The following ZSWIM6 variants were observed in gnomAD, a reference collection of about 807,000 sequenced individuals.
ZSWIM6 encodes zinc finger SWIM domain-containing protein 6.
A neutral mutation model predicts 113.2 loss-of-function variants in ZSWIM6; 9 were observed. The ratio of observed to expected loss-of-function variants is 0.08; its 90% CI spans 0.05 to 0.14. ZSWIM6 has a LOEUF of 0.14. Among genes scored for constraint, ZSWIM6 ranks in the 10% least tolerant of loss-of-function variants. The probability of loss-of-function intolerance (pLI) is 1.00; values close to 1 mark genes in which losing one functional copy is unlikely to be tolerated. For missense variants in ZSWIM6, 1,162 were observed against 1,552.2 expected, an observed-to-expected ratio of 0.75 and a Z score of 4.22; for synonymous variants, 611 against 606.5, an observed-to-expected ratio of 1.01 and a Z score of -0.11.
At chr5:61,396,236 G>C (rs1745834624) in intron 1 of ZSWIM6, among the ~76,000 whole-genome samples, 1 of 152,056 alleles carries the variant, frequency 6.6e-6, no homozygotes, top group African/African-American at 2.4e-5. Context: ...TTTATTTTGA[G>C]AATTGAATGT....
At position 61,531,485 on chromosome 5, in the gene ZSWIM6, T is replaced by G. The variant is rs1404576753; in HGVS notation, c.2005T>G (p.Ser669Ala). ...DFTENMGQCKSLEYQHLPAHK... is the reference protein window; with the variant it reads ...DFTENMGQCKALEYQHLPAHK... ...TGCAGAGAATATGGGACAGTGCAAGTCTCTGGAATACCAGCATCTACCTGC... is the reference window on the plus strand; with the variant it reads ...TGCAGAGAATATGGGACAGTGCAAGGCTCTGGAATACCAGCATCTACCTGC... The change falls in exon 9 of 14, where the codon TCT (serine) becomes GCT (alanine). Residue 669 changes from serine to alanine, a missense_variant. Coordinates refer to ENST00000252744, the MANE Select transcript of ZSWIM6 (RefSeq NM_020928.2). The G allele has an allele frequency of 1.3e-6, 2 of 1,551,536 alleles. No homozygotes were observed. The highest frequency in any genetic ancestry group is 1.7e-6 in the Non-Finnish European group (2 of 1,146,850).
At chr5:61,375,956 T>C (rs1258873417) in intron 1 of ZSWIM6, 1 of 626,202 alleles carries the variant, frequency 1.6e-6, no homozygotes, top group Non-Finnish European at 2.7e-6. Flanking sequence ...ATGAATTTTC[T>C]TGTTTTTAGA....
chr5:61,396,315 C>G lies in ZSWIM6; in HGVS notation c.676+63367C>G, dbSNP rs184640836. Among the ~76,000 whole-genome samples the G allele has an allele frequency of 3.5e-3, 538 of 152,162 alleles. 3 individuals carry two copies. Among genetic ancestry groups the G allele is most frequent in the Non-Finnish European group, 5.7e-3 (386 of 68,008 alleles). ...TTGGGAGGCTGAGGCAGGCGGATCA[C>G]AAGGTCAAGAGATCGAGACTATCCT... is the stretch of plus-strand genomic sequence containing the variant. On this transcript the variant is annotated intron_variant, in intron 1 of 13. Transcript: ENST00000252744.
In ZSWIM6 at chr5:61,543,900, G is replaced by A. The variant is rs1013500797; in HGVS notation, c.3231G>A (p.Ala1077=). The A allele has an allele frequency of 1.6e-5, 25 of 1,551,752 alleles. No homozygotes were observed. The highest frequency in any genetic ancestry group is 1.7e-4 in the Middle Eastern group (1 of 6,014). Residue 1077 remains alanine, a synonymous_variant, in exon 14 of 14, where the codon GCG becomes GCA. Transcript: ENST00000252744. The surrounding 1 kb of genome is among the most constrained non-coding windows in gnomAD (Gnocchi z 4.3). ...TTAATGATGTTTTGTGGGCCTGTGC[G>A]CTTAGCCACTCCCTTGGTAAAAATG... ...PAINDVLWAC[A]LSHSLGKNEL...
chr5:61,453,281 G>A (rs1747122763), intron 1 of ZSWIM6, among the ~76,000 whole-genome samples: 1 of 151,762 alleles, frequency 6.6e-6, no homozygotes, highest in Admixed American at 6.6e-5. Context: ...TATACATTGT[G>A]GGATGACTAA....
intron 1 of ZSWIM6, among the ~76,000 whole-genome samples, chr5:61,441,045 G>A (rs768275959): frequency 2.0e-5 from 3 of 152,162 alleles, no homozygotes; most frequent in Non-Finnish European, 4.4e-5. Context: ...ACTTGAAATA[G>A]ATCATACAGG....
rs2112073499 is a variant in ZSWIM6 at position 61,375,571 on chromosome 5, A to G, written c.676+42623A>G. 3.3e-6 allele frequency: 5 copies of G among 1,531,070 alleles called. No individual in the cohort carries two copies. In the South Asian group the frequency reaches 3.6e-5, roughly 11 times the overall value. The allele number at this position is 1,531,070 out of a possible 1,614,324, so 94.8% of individuals were successfully genotyped here. The stretch of plus-strand genomic sequence containing the variant: ...CTCCATGTCAGAAACTGAATCAGAC[A>G]GTAAGGATAGTTTAAAAAAGAAAAA... On this transcript the variant is annotated intron_variant, in intron 1 of 13. Transcript: ENST00000252744.
intron 2 of ZSWIM6, among the ~76,000 whole-genome samples, chr5:61,490,445 C>T (rs917697103): frequency 1.8e-4 from 28 of 152,030 alleles, no homozygotes; most frequent in African/African-American, 6.8e-4. Flanking sequence ...GACATTTTTT[C>T]CAGCATGGCC....
rs1747586984 is a variant in ZSWIM6, at chr5:61,472,177, T to C, written c.677-504T>C. Among the ~76,000 whole-genome samples, 1 of 152,146 alleles carries C rather than the reference T, an allele frequency of 6.6e-6. No homozygotes were observed. The highest frequency in any genetic ancestry group is 2.1e-4 in the South Asian group (1 of 4,824). On this transcript the variant is annotated intron_variant, in intron 1 of 13. Transcript: ENST00000252744. The surrounding 1 kb of genome is among the most constrained non-coding windows in gnomAD (Gnocchi z 4.1). ...TCAAAGTTTGTGGAAGGGACTCCCT[T>C]AGAGTTGCAGTATTGGTTGGTTGGA...
chr5:61,424,407 G>A (rs1020726530), intron 1 of ZSWIM6, among the ~76,000 whole-genome samples: 6 of 152,210 alleles, frequency 3.9e-5, no homozygotes, highest in Admixed American at 3.3e-4. Context: ...TAAAGATGTA[G>A]AGAATGTCTT....
At position 61,530,391 on chromosome 5, in the gene ZSWIM6, T is replaced by C. The variant is rs1353902703; in HGVS notation, c.1984+193T>C. On this transcript the variant is annotated intron_variant, in intron 8 of 13. Coordinates refer to ENST00000252744, the MANE Select transcript of ZSWIM6 (RefSeq NM_020928.2). ...TACAAAACTGGGAAAAGTCTTAGAG[T>C]TGATAGTTGGCAGCCTGTTTCGAGA... Among the ~76,000 whole-genome samples the C allele has an allele frequency of 3.9e-5, 6 of 152,154 alleles. No homozygotes were observed. In the East Asian group the frequency reaches 1.2e-3, roughly 29 times the overall value.
intron 1 of ZSWIM6, among the ~76,000 whole-genome samples, chr5:61,341,001 C>T (rs4590138): frequency 0.05 from 7,565 of 152,298 alleles, 271 homozygotes; most frequent in South Asian, 0.18. Context: ...TGTGATTATA[C>T]AGCAAGTCCT....
chr5:61,456,335 C>G (rs1270065410), intron 1 of ZSWIM6, among the ~76,000 whole-genome samples: 1 of 152,134 alleles, frequency 6.6e-6, no homozygotes, highest in African/African-American at 2.4e-5. Flanking sequence ...GCTAATACTT[C>G]TCAAATCTGG....
chr5:61,494,860 C>T (rs1015421744), intron 4 of ZSWIM6, among the ~76,000 whole-genome samples: 6 of 151,980 alleles, frequency 3.9e-5, no homozygotes, highest in African/African-American at 1.2e-4. Flanking sequence ...AATGAACTGT[C>T]GATCCTCAGA....
At chr5:61,512,711 A>G (rs1714784232) in intron 4 of ZSWIM6, among the ~76,000 whole-genome samples, 1 of 151,964 alleles carries the variant, frequency 6.6e-6, no homozygotes, top group Non-Finnish European at 1.5e-5. Flanking sequence ...CTTAATTTGT[A>G]TTTTCTAATG....
chr5:61,402,532 T>TC (rs545439460), intron 1 of ZSWIM6, among the ~76,000 whole-genome samples: 3 of 151,182 alleles, frequency 2.0e-5, no homozygotes, highest in East Asian at 1.9e-4. Context: ...GTTTTTTTTT[T>TC]CCCCCCAGGA....
intron 1 of ZSWIM6, among the ~76,000 whole-genome samples, chr5:61,398,953 C>T (rs868027864): frequency 2.6e-5 from 3 of 117,414 alleles, no homozygotes; most frequent in Middle Eastern, 8.3e-3. Context: ...GACAGAATCT[C>T]GCTCTGTCAC....
At chr5:61,333,900 A>C (rs1364674042) in intron 1 of ZSWIM6, among the ~76,000 whole-genome samples, 1 of 152,004 alleles carries the variant, frequency 6.6e-6, no homozygotes, top group Non-Finnish European at 1.5e-5. Flanking sequence ...GCTCGCAGCC[A>C]AAGGGGCGAG....
intron 1 of ZSWIM6, among the ~76,000 whole-genome samples, chr5:61,345,586 T>C (rs1389196778): frequency 6.6e-6 from 1 of 152,174 alleles, no homozygotes; most frequent in African/African-American, 2.4e-5. Flanking sequence ...ACTGAGGGCA[T>C]GTTGGGGATG....
Sources: gnomAD v4.1 joint callset for allele counts (sites outside exome capture counted in the v4.1 genomes callset) on GRCh38, gnomAD v4.1.1 for gene constraint, Gnocchi (gnomAD v3.1) non-coding constraint, MANE v1.5 for transcripts, NCBI Gene and HGNC (gene_info 2026-07-23, HGNC 2026-07-21) for gene names.